INVS: variants seen among roughly 807,000 people sequenced by gnomAD.
The protein encoded by INVS is inversin.
In INVS, 86 loss-of-function variants were observed where a neutral mutation model predicts 108.8. The ratio of observed to expected loss-of-function variants is 0.79; its 90% confidence interval spans 0.66 to 0.95. The LOEUF (loss-of-function observed/expected upper bound fraction) is 0.95, where lower values mean the gene tolerates loss of function less well. Ranked by LOEUF, INVS falls within the 40% of genes least tolerant of loss-of-function variation. The pLI is 0.00. For missense variants in INVS, 1,169 were observed against 1,297.4 expected (o/e 0.90, Z 1.52); for synonymous variants, 455 against 473.5 (o/e 0.96, Z 0.51).
chr9:100,133,780 C>CACACACACACACACACACAT (rs1828127161), intron 3 of INVS, among the ~76,000 whole-genome samples: 1 of 150,808 alleles, frequency 6.6e-6, no homozygotes, highest in Admixed American at 6.6e-5. Context: ...CACACACACA[C>CACACACACACACACACACAT]ACACACACAC....
chr9:100,292,318 T>A lies in INVS; in HGVS notation c.2069-8T>A, dbSNP rs1359307026. 6.2e-7 allele frequency: 1 copy of A among 1,612,666 alleles called. No individual in the cohort carries two copies. The highest frequency in any genetic ancestry group is 1.1e-5 in the South Asian group (1 of 91,072). ...TTTTGGACAATATTTTTTCTTTGTT[T>A]CCTCAAGAAACAGCCAGAGAACATT... On this transcript the variant is annotated splice_polypyrimidine_tract_variant and splice_region_variant and intron_variant, in intron 13 of 16. Coordinates refer to ENST00000262457, the MANE Select transcript of INVS (RefSeq NM_014425.5).
chr9:100,217,646 T>C (rs1053817639), intron 3 of INVS, among the ~76,000 whole-genome samples: 2 of 152,148 alleles, frequency 1.3e-5, no homozygotes, highest in Non-Finnish European at 2.9e-5. Context: ...TTTTAGTAAA[T>C]AGAGTAGTAA....
intron 2 of INVS, chr9:100,117,800 G>A (rs2118865866): frequency 2.2e-6 from 1 of 464,544 alleles, no homozygotes; most frequent in South Asian, 4.2e-5. Context: ...CCCTCAATGT[G>A]ATGATATTAG....
Position 100,148,490 on chromosome 9 carries a change from A to G in INVS, c.273+21941A>G, listed in dbSNP as rs1378159370. ...AAAATTCCAAGGGAAAGAGATAGAC[A>G]TAAGGTAACTTCAAGTTTACAAAGG... is the stretch of plus-strand genomic sequence containing the variant. On this transcript the variant is annotated intron_variant, in intron 3 of 16. Transcript: ENST00000262457. Among the ~76,000 whole-genome samples, 7 of 152,352 alleles carry G rather than the reference A, an allele frequency of 4.6e-5. No homozygotes were observed. In the South Asian group the frequency reaches 6.2e-4, roughly 14 times the overall value.
intron 3 of INVS, among the ~76,000 whole-genome samples, chr9:100,149,745 T>C (rs937318633): frequency 6.6e-6 from 1 of 152,148 alleles, no homozygotes; most frequent in Non-Finnish European, 1.5e-5. Context: ...TGTCAACACA[T>C]CTTGATTGAA....
chr9:100,278,255 A>G (rs1381752212), intron 12 of INVS, among the ~76,000 whole-genome samples: 2 of 150,158 alleles, frequency 1.3e-5, no homozygotes, highest in East Asian at 3.9e-4. Context: ...AAAAAAAAAA[A>G]TTTATGTGAG....
intron 12 of INVS, among the ~76,000 whole-genome samples, chr9:100,277,821 C>T (rs116082551): frequency 9.5e-4 from 145 of 152,260 alleles, no homozygotes; most frequent in African/African-American, 3.3e-3. Context: ...CCCTAGACAC[C>T]ATGCAACACC....
intron 10 of INVS, among the ~76,000 whole-genome samples, chr9:100,260,567 T>A (rs1244891823): frequency 6.6e-6 from 1 of 152,244 alleles, no homozygotes; most frequent in Non-Finnish European, 1.5e-5. Context: ...ATCTTTTTAA[T>A]TATCATGAAT....
intron 3 of INVS, among the ~76,000 whole-genome samples, chr9:100,151,026 A>G (rs1014066755): frequency 7.9e-5 from 12 of 152,166 alleles, no homozygotes; most frequent in African/African-American, 2.9e-4. Flanking sequence ...AGCAATCAAA[A>G]TAGTATTCAG....
At position 100,145,719 on chromosome 9, in the gene INVS, G is replaced by A. The variant is rs540032408; in HGVS notation, c.273+19170G>A. Among the ~76,000 whole-genome samples the A allele has an allele frequency of 3.9e-5, 6 of 152,256 alleles. No individual in the cohort carries two copies. In the East Asian group the frequency reaches 5.8e-4, roughly 15 times the overall value. ...CCGTGTGGTCAGACACCTCTGAAAC[G>A]TGGGTGAGTAATCAGGCAGTCGTCC... On this transcript the variant is annotated intron_variant, in intron 3 of 16. Coordinates refer to ENST00000262457, the MANE Select transcript of INVS (RefSeq NM_014425.5).
At position 100,229,668 on chromosome 9, in the gene INVS, T is replaced by C. The variant is rs1188228340; in HGVS notation, c.456T>C (p.Ala152=). The C allele has an allele frequency of 3.1e-6, 5 of 1,613,958 alleles. No individual in the cohort carries two copies. Among genetic ancestry groups the C allele is most frequent in the Non-Finnish European group, 4.2e-6 (5 of 1,179,880 alleles). The change falls in exon 5 of 17, where the codon GCT becomes GCC. Residue 152 remains alanine, a synonymous_variant. Coordinates refer to ENST00000262457, the MANE Select transcript of INVS (RefSeq NM_014425.5). ...ACCTCTCGATTTTGCAGCAAACAGCTCTGCATTGGAGTGCCTACTACAATA... is the reference window on the plus strand; with the variant it reads ...ACCTCTCGATTTTGCAGCAAACAGCCCTGCATTGGAGTGCCTACTACAATA... ...VDTQDKNKQT[A]LHWSAYYNNP... is the part of the protein sequence containing the mutation.
At chr9:100,245,372 C>T (rs771245675) in intron 7 of INVS, among the ~76,000 whole-genome samples, 8 of 152,092 alleles carry the variant, frequency 5.3e-5, no homozygotes, top group Non-Finnish European at 1.0e-4. Context: ...CTCCGTCTCC[C>T]GGGTTCAATC....
chr9:100,240,566 G>A (rs1321718147), intron 6 of INVS, among the ~76,000 whole-genome samples: 1 of 152,000 alleles, frequency 6.6e-6, no homozygotes, highest in African/African-American at 2.4e-5. Context: ...TTATGTTTAT[G>A]CTAATACTAT....
chr9:100,222,102 C>T lies in INVS; in HGVS notation c.274-3960C>T, dbSNP rs75796242. On this transcript the variant is annotated intron_variant, in intron 3 of 16. Coordinates refer to ENST00000262457, the MANE Select transcript of INVS (RefSeq NM_014425.5). ...TCTTGGTTCTTAATCACTAGCTGAACTGTGTATATTACAATCAGATCTTTC... is the reference window on the plus strand; with the variant it reads ...TCTTGGTTCTTAATCACTAGCTGAATTGTGTATATTACAATCAGATCTTTC... 2.7e-3 allele frequency among the ~76,000 whole-genome samples: 405 copies of T among 152,270 alleles called. 1 individual carries two copies. Among genetic ancestry groups the T allele is most frequent in the African/African-American group, 9.3e-3 (386 of 41,574 alleles).
intron 11 of INVS, among the ~76,000 whole-genome samples, chr9:100,267,354 G>A (rs1401130909): frequency 6.6e-6 from 1 of 152,182 alleles, no homozygotes; most frequent in East Asian, 1.9e-4. Flanking sequence ...CTTTGTTAAT[G>A]TTTCATCAGC....
At chr9:100,163,088 A>G (rs2119017351) in intron 3 of INVS, among the ~76,000 whole-genome samples, 1 of 151,790 alleles carries the variant, frequency 6.6e-6, no homozygotes, top group Middle Eastern at 3.4e-3. Context: ...ATCTAGTGGC[A>G]TTGCCCTTTA....
intron 11 of INVS, among the ~76,000 whole-genome samples, chr9:100,272,137 C>T (rs1056900048): frequency 1.3e-5 from 2 of 152,108 alleles, no homozygotes; most frequent in Non-Finnish European, 2.9e-5. Context: ...CAAAGTGCTG[C>T]GATTACAGGC....
chr9:100,282,570 G>A (rs980507545), intron 12 of INVS, among the ~76,000 whole-genome samples: 4 of 152,176 alleles, frequency 2.6e-5, no homozygotes, highest in Admixed American at 1.3e-4. Flanking sequence ...CTTTCCTGTC[G>A]CTTGAGATCT....
intron 3 of INVS, among the ~76,000 whole-genome samples, chr9:100,153,581 C>A (rs1341166810): frequency 1.3e-5 from 2 of 152,156 alleles, no homozygotes; most frequent in Non-Finnish European, 2.9e-5. Context: ...ATTCACATAT[C>A]CCTGAAGGAA....
Sources: gnomAD v4.1 joint callset for allele counts (sites outside exome capture counted in the v4.1 genomes callset) on GRCh38, gnomAD v4.1.1 for gene constraint, MANE v1.5 for transcripts, NCBI Gene and HGNC (gene_info 2026-07-23, HGNC 2026-07-21) for gene names.